The following VKORC1L1 variants were observed in gnomAD, a reference collection of about 807,000 sequenced individuals.
The protein encoded by VKORC1L1 is vitamin K epoxide reductase complex subunit 1-like protein 1.
A neutral mutation model predicts 18.9 loss-of-function variants in VKORC1L1; 2 were observed. The observed-to-expected ratio is 0.11, with a 90% confidence interval of 0.04 to 0.33. The LOEUF (loss-of-function observed/expected upper bound fraction) is 0.33. Among genes scored for constraint, VKORC1L1 ranks in the 10% least tolerant of loss-of-function variants. The pLI is 1.00. For missense variants in VKORC1L1, 123 were observed against 224.1 expected (o/e 0.55, Z 2.88); for synonymous variants, 96 against 100.0 (o/e 0.96, Z 0.24).
intron 1 of VKORC1L1, among the ~76,000 whole-genome samples, chr7:65,895,506 T>TAC (rs1789190975): frequency 5.3e-5 from 5 of 94,326 alleles, no homozygotes; most frequent in Non-Finnish European, 1.0e-4. Context: ...TATATATATA[T>TAC]ATATATATAT....
chr7:65,892,166 A>G (rs1278628127), intron 1 of VKORC1L1, among the ~76,000 whole-genome samples: 4 of 151,774 alleles, frequency 2.6e-5, no homozygotes, highest in African/African-American at 9.7e-5. Context: ...TAAGTGCCAC[A>G]TTTTCTTTAT....
rs58269522 is a variant in VKORC1L1, at chr7:65,900,042, CGTGTGTGTGTGTGTGTGTGT to C, written c.194+26504_194+26523del. ...TTGTGCGTGTGTGCATGTGCACGCA[CGTGTGTGTGTGTGTGTGTGT>C]GTGTGTGTGTGTGTGTGTGTGTGTG... On this transcript the variant is annotated intron_variant, in intron 1 of 2. Coordinates refer to ENST00000360768, the MANE Select transcript of VKORC1L1 (RefSeq NM_173517.6). Among the ~76,000 whole-genome samples, 583 of 140,960 alleles carry C rather than the reference CGTGTGTGTGTGTGTGTGTGT, an allele frequency of 4.1e-3. 3 individuals carry two copies. The highest frequency in any genetic ancestry group is 6.9e-3 in the East Asian group (33 of 4,784). 92.5% of individuals were successfully genotyped at this position (140,960 alleles called of 152,430 possible). A position where few individuals can be genotyped will look rare whatever the true frequency, so the allele number is the denominator to read the frequency against.
chr7:65,950,699 T>C (rs1047153350), intron 2 of VKORC1L1, among the ~76,000 whole-genome samples: 2 of 152,142 alleles, frequency 1.3e-5, no homozygotes, highest in African/African-American at 4.8e-5. Flanking sequence ...TGAAATACTA[T>C]GTAGCCATTA....
At chr7:65,933,584 A>G (rs1323387762) in intron 1 of VKORC1L1, among the ~76,000 whole-genome samples, 2 of 152,144 alleles carry the variant, frequency 1.3e-5, no homozygotes, top group African/African-American at 4.8e-5. Flanking sequence ...TATTATATTT[A>G]AAGTGAGTTT....
At chr7:65,917,988 C>G (rs1417316774) in intron 1 of VKORC1L1, among the ~76,000 whole-genome samples, 1 of 152,158 alleles carries the variant, frequency 6.6e-6, no homozygotes, top group Non-Finnish European at 1.5e-5. Context: ...GTAGTGACAT[C>G]TAGCAGGTAG....
At chr7:65,915,227 G>A (rs1455245704) in intron 1 of VKORC1L1, among the ~76,000 whole-genome samples, 2 of 151,208 alleles carry the variant, frequency 1.3e-5, no homozygotes, top group Non-Finnish European at 2.9e-5. Context: ...GAGTAGCTGG[G>A]ACTACAGGCC....
chr7:65,876,942 A>T (rs186190457), intron 1 of VKORC1L1, among the ~76,000 whole-genome samples: 103 of 152,192 alleles, frequency 6.8e-4, no homozygotes, highest in Non-Finnish European at 1.8e-4. Flanking sequence ...GCTTCTTGGG[A>T]GGCTGAGGTG....
chr7:65,956,119 T>C lies in VKORC1L1; in HGVS notation c.*1819T>C, dbSNP rs980208239. 1.3e-5 allele frequency: 2 copies of C among 152,274 alleles called. No individual in the cohort carries two copies. Among genetic ancestry groups the C allele is most frequent in the Non-Finnish European group, 2.9e-5 (2 of 68,048 alleles). The allele number at this position is 152,274 out of a possible 1,614,324, so 9.4% of individuals were successfully genotyped here. On this transcript the variant is annotated 3_prime_UTR_variant, in exon 3 of 3. Transcript: ENST00000360768. Reference sequence around the variant, plus strand: ...AATGGCTGTTGGAGTATGTATGTACTGTTCTTGCATTCTGAAGTAGTTAAA... The same window carrying C: ...AATGGCTGTTGGAGTATGTATGTACCGTTCTTGCATTCTGAAGTAGTTAAA...
In VKORC1L1 at chr7:65,957,707, C is replaced by CT. The variant is rs1459395742; in HGVS notation, c.*3408dup. ...AATTAGCTGGGCATGGTGGCGGCACCTGTAATGCCAGCTCCTCCAGAGGCT... is the reference window on the plus strand; with the variant it reads ...AATTAGCTGGGCATGGTGGCGGCACCTTGTAATGCCAGCTCCTCCAGAGGCT... On this transcript the variant is annotated 3_prime_UTR_variant, in exon 3 of 3. Transcript: ENST00000360768. 1 of 152,094 alleles carries CT rather than the reference C, an allele frequency of 6.6e-6. No individual in the cohort carries two copies. The highest frequency in any genetic ancestry group is 1.9e-4 in the East Asian group (1 of 5,186). 9.4% of individuals were successfully genotyped at this position (152,094 alleles called of 1,614,324 possible). A position where few individuals can be genotyped will look rare whatever the true frequency, so the allele number is the denominator to read the frequency against.
At chr7:65,894,015 T>C (rs1329696903) in intron 1 of VKORC1L1, among the ~76,000 whole-genome samples, 1 of 151,866 alleles carries the variant, frequency 6.6e-6, no homozygotes, top group African/African-American at 2.4e-5. Flanking sequence ...AGTGCAATGG[T>C]GCGATCTCGG....
At chr7:65,894,525 G>A (rs540454289) in intron 1 of VKORC1L1, among the ~76,000 whole-genome samples, 1 of 151,072 alleles carries the variant, frequency 6.6e-6, no homozygotes, top group Admixed American at 6.6e-5. Flanking sequence ...TCAGAAGATC[G>A]AGACCATCCT....
At chr7:65,949,608 ACT>A (rs1562658035) in intron 2 of VKORC1L1, among the ~76,000 whole-genome samples, 3 of 151,876 alleles carry the variant, frequency 2.0e-5, no homozygotes, top group Non-Finnish European at 2.9e-5. Context: ...ACATGGTGAG[ACT>A]CTGTCTCTGT....
chr7:65,941,673 G>GTTTTTTTTTTTTTTTTTTTTTTTTTTT (rs57537567), intron 1 of VKORC1L1, among the ~76,000 whole-genome samples: 5 of 66,476 alleles, frequency 7.5e-5, no homozygotes, highest in Non-Finnish European at 8.3e-5. Context: ...TTTTCTTAAG[G>GTTTTTTTTTTTTTTTTTTTTTTTTTTT]TTTTTTTTTT....
chr7:65,955,494 T>C lies in VKORC1L1; in HGVS notation c.*1194T>C, dbSNP rs1268272598. 6.6e-6 allele frequency: 1 copy of C among 152,296 alleles called. No homozygotes were observed. The allele number at this position is 152,296 out of a possible 1,614,324, so 9.4% of individuals were successfully genotyped here. ...CACATCTCAAGGCTAAATCTGCTCA[T>C]GTCGCCACTGCTCTCATAATGACAC... On this transcript the variant is annotated 3_prime_UTR_variant, in exon 3 of 3. Coordinates refer to ENST00000360768, the MANE Select transcript of VKORC1L1 (RefSeq NM_173517.6).
chr7:65,935,053 CAAAA>C (rs551047338), intron 1 of VKORC1L1, among the ~76,000 whole-genome samples: 1 of 58,434 alleles, frequency 1.7e-5, no homozygotes, highest in Non-Finnish European at 3.7e-5. Flanking sequence ...GATTACATCT[CAAAA>C]AAAAAAAAAA....
At chr7:65,882,802 T>C (rs1023441788) in intron 1 of VKORC1L1, among the ~76,000 whole-genome samples, 1 of 152,222 alleles carries the variant, frequency 6.6e-6, no homozygotes, top group Non-Finnish European at 1.5e-5. Context: ...TTGTAAAGTT[T>C]TTATTTTTTA....
At chr7:65,867,199 AAGAAGG>A in the VKORC1L1 span, among the ~76,000 whole-genome samples, 20 of 151,808 alleles carry the variant, frequency 1.3e-4, no homozygotes, top group Admixed American at 2.6e-4. Context: ...AAAAAGAAAG[AAGAAGG>A]AGAAGGAGAA....
chr7:65,956,794 G>A lies in VKORC1L1; in HGVS notation c.*2494G>A, dbSNP rs1272878184. On this transcript the variant is annotated 3_prime_UTR_variant, in exon 3 of 3. Transcript: ENST00000360768. ...TTAGAAGATTGTTTTGCCTGTTTTA[G>A]ACTGAATATTTGAACACTGCAGCAT... 1 of 152,180 alleles carries A rather than the reference G, an allele frequency of 6.6e-6. No individual in the cohort carries two copies. Among genetic ancestry groups the A allele is most frequent in the Non-Finnish European group, 1.5e-5 (1 of 68,032 alleles). The allele number at this position is 152,180 out of a possible 1,614,324, so 9.4% of individuals were successfully genotyped here. A position where few individuals can be genotyped will look rare whatever the true frequency, so the allele number is the denominator to read the frequency against.
chr7:65,934,223 C>T (rs922027152), intron 1 of VKORC1L1, among the ~76,000 whole-genome samples: 3 of 151,650 alleles, frequency 2.0e-5, no homozygotes, highest in East Asian at 1.9e-4. Flanking sequence ...TAGTGAGACC[C>T]CCATCTCTTT....
Sources: allele counts gnomAD v4.1 joint callset (sites outside exome capture counted in the v4.1 genomes callset), GRCh38; gene constraint gnomAD v4.1.1; transcripts MANE v1.5; gene names NCBI Gene and HGNC (gene_info 2026-07-23, HGNC 2026-07-21).